The following APPL2 variants were observed in gnomAD, a reference collection of about 807,000 sequenced individuals.
APPL2 encodes DCC-interacting protein 13-beta.
APPL2 carries 84 observed loss-of-function variants against 92.7 expected under a neutral mutation model. The observed-to-expected ratio is 0.91, with a 90% CI of 0.76 to 1.09. The LOEUF (loss-of-function observed/expected upper bound fraction) is 1.09, where lower values mean the gene tolerates loss of function less well. APPL2 is among the 50% of genes least tolerant of loss of function. The probability of loss-of-function intolerance (pLI) is 0.00; values close to 1 mark genes in which losing one functional copy is unlikely to be tolerated. For missense variants in APPL2, 736 were observed against 824.5 expected, an observed-to-expected ratio of 0.89 and a Z score of 1.31; for synonymous variants, 291 against 291.0, an observed-to-expected ratio of 1.00 and a Z score of 0.00.
chr12:105,222,482 G>A (rs1052016108), intron 2 of APPL2, among the ~76,000 whole-genome samples: 3 of 152,302 alleles, frequency 2.0e-5, no homozygotes, highest in East Asian at 3.9e-4. Flanking sequence ...GAGTCAGAAA[G>A]AACTGTGCTG....
chr12:105,186,673 TGA>T lies in APPL2; in HGVS notation c.1634+1598_1634+1599del, dbSNP rs765917486. The stretch of plus-strand genomic sequence containing the variant: ...ATCGATATCATATATATCATATATA[TGA>T]TATATCATATATATATCATATATCA... On this transcript the variant is annotated intron_variant, in intron 17 of 20. Coordinates refer to ENST00000258530, the MANE Select transcript of APPL2 (RefSeq NM_018171.5). 4.2e-3 allele frequency among the ~76,000 whole-genome samples: 295 copies of T among 70,634 alleles called. 3 individuals are homozygous for T. The highest frequency in any genetic ancestry group is 0.012 in the African/African-American group (264 of 21,340). 46.3% of individuals were successfully genotyped at this position (70,634 alleles called of 152,430 possible).
intron 2 of APPL2, among the ~76,000 whole-genome samples, chr12:105,228,594 C>T (rs1432679504): frequency 1.3e-5 from 2 of 152,190 alleles, no homozygotes; most frequent in Non-Finnish European, 2.9e-5. Context: ...CACTTCTTGA[C>T]ATTAAAAAGA....
At chr12:105,210,968 T>G (rs535463393) in intron 5 of APPL2, among the ~76,000 whole-genome samples, 1 of 152,246 alleles carries the variant, frequency 6.6e-6, no homozygotes, top group Non-Finnish European at 1.5e-5. Flanking sequence ...CTGTTTCTAC[T>G]CCTGTGCGTC....
At chr12:105,174,853 ATGC>A (rs111463060) in intron 20 of APPL2, among the ~76,000 whole-genome samples, 19,023 of 133,894 alleles carry the variant, frequency 0.14, 1,521 homozygotes, top group African/African-American at 0.23. Context: ...CATACTGTCC[ATGC>A]TGCTGCTGCT....
intron 17 of APPL2, among the ~76,000 whole-genome samples, chr12:105,186,643 A>ATC (rs1886674852): frequency 1.6e-5 from 1 of 64,132 alleles, no homozygotes; most frequent in African/African-American, 3.8e-5. Flanking sequence ...TATCATATAT[A>ATC]TGATATCGAT....
intron 8 of APPL2, among the ~76,000 whole-genome samples, chr12:105,205,851 C>T (rs1888654289): frequency 6.6e-6 from 1 of 152,242 alleles, no homozygotes; most frequent in South Asian, 2.1e-4. Flanking sequence ...TGCACAAGTG[C>T]CCATCATAAG....
intron 2 of APPL2, among the ~76,000 whole-genome samples, chr12:105,228,203 T>C (rs1109433): frequency 0.2 from 29,782 of 152,260 alleles, 3,113 homozygotes; most frequent in East Asian, 0.34. Flanking sequence ...TTAAGTACCC[T>C]GCATCTGAAA....
intron 17 of APPL2, among the ~76,000 whole-genome samples, chr12:105,184,093 G>T (rs568256856): frequency 1.4e-4 from 22 of 152,248 alleles, no homozygotes; most frequent in African/African-American, 4.3e-4. Context: ...CTCGTGCTGT[G>T]TTTTTCATCT....
intron 19 of APPL2, 113 bp from the exon 20 acceptor site, chr12:105,176,195 AAC>A: frequency 1.1e-6 from 1 of 925,544 alleles, no homozygotes; most frequent in African/African-American, 1.7e-5. Flanking sequence ...CCCACTTGGG[AAC>A]ACAGGACCTG....
chr12:105,186,666 A>ATATAT (rs1886706044), intron 17 of APPL2, among the ~76,000 whole-genome samples: 1 of 7,164 alleles, frequency 1.4e-4, no homozygotes, highest in African/African-American at 3.0e-4. Flanking sequence ...CATATATATC[A>ATATAT]TATATATGAT....
intron 1 of APPL2, 128 bp downstream of exon 1, chr12:105,235,831 G>GT: frequency 1.5e-6 from 1 of 666,852 alleles, no homozygotes; most frequent in Non-Finnish European, 2.1e-6. Flanking sequence ...CCCGGTGGGA[G>GT]GCGCCGCGAG....
At chr12:105,179,656 T>A (rs1255846433) in intron 17 of APPL2, among the ~76,000 whole-genome samples, 1 of 152,244 alleles carries the variant, frequency 6.6e-6, no homozygotes, top group East Asian at 1.9e-4. Flanking sequence ...GTTTCCTGAC[T>A]TTTTAATGAT....
At chr12:105,184,786 C>A (rs1256640969) in intron 17 of APPL2, among the ~76,000 whole-genome samples, 1 of 152,224 alleles carries the variant, frequency 6.6e-6, no homozygotes, top group Non-Finnish European at 1.5e-5. Flanking sequence ...AAGCGTTGTG[C>A]TGGGAGACCT....
chr12:105,180,016 C>T (rs1207072171), intron 17 of APPL2, among the ~76,000 whole-genome samples: 1 of 152,196 alleles, frequency 6.6e-6, no homozygotes, highest in Non-Finnish European at 1.5e-5. Flanking sequence ...GTTGCCATTG[C>T]TTCTGGTGTT....
At chr12:105,193,012 C>A (rs1386663777) in intron 14 of APPL2, among the ~76,000 whole-genome samples, 1 of 152,166 alleles carries the variant, frequency 6.6e-6, no homozygotes, top group Non-Finnish European at 1.5e-5. Context: ...TGGGCTGACC[C>A]TAAAAGAGAT....
intron 1 of APPL2, chr12:105,233,187 T>G: frequency 3.0e-6 from 3 of 985,470 alleles, no homozygotes; most frequent in Non-Finnish European, 3.6e-6. Context: ...GTACTGGAAC[T>G]GTTGCCTCAT....
At chr12:105,222,581 G>A (rs551751151) in intron 2 of APPL2, among the ~76,000 whole-genome samples, 7 of 152,158 alleles carry the variant, frequency 4.6e-5, no homozygotes, top group Admixed American at 6.5e-5. Context: ...AAAGTGTGCC[G>A]TTGAGATGTC....
intron 1 of APPL2, chr12:105,235,242 T>C (rs571162375): frequency 5.3e-5 from 8 of 152,352 alleles, no homozygotes; most frequent in African/African-American, 1.7e-4. Flanking sequence ...TGAACTAATG[T>C]CATCCTGCAC....
At chr12:105,200,864 GTATCTATC>G (rs202172435) in intron 9 of APPL2, among the ~76,000 whole-genome samples, 4,142 of 134,938 alleles carry the variant, frequency 0.031, 69 homozygotes, top group Non-Finnish European at 0.037. Flanking sequence ...ATGTATGTAT[GTATCTATC>G]TATCTATCTA....
Sources: gnomAD v4.1 joint callset for allele counts (sites outside exome capture counted in the v4.1 genomes callset) on GRCh38, gnomAD v4.1.1 for gene constraint, MANE v1.5 for transcripts, NCBI Gene and HGNC (gene_info 2026-07-23, HGNC 2026-07-21) for gene names.